The following CCNA2 variants were observed in gnomAD, a reference collection of about 807,000 sequenced individuals.
CCNA2 encodes the protein cyclin A2.
A neutral mutation model predicts 49.4 loss-of-function variants in CCNA2; 3 were observed. That is an observed-to-expected ratio of 0.06 (90% CI 0.03 to 0.16). The LOEUF (loss-of-function observed/expected upper bound fraction) is 0.16, where lower values mean the gene tolerates loss of function less well. Among genes scored for constraint, CCNA2 ranks in the 10% least tolerant of loss-of-function variants. CCNA2 has a pLI of 1.00. For synonymous variants in CCNA2, 206 were observed against 197.2 expected (o/e 1.04, Z -0.37); for missense variants, 372 against 519.7 (o/e 0.72, Z 2.76).
chr4:121,823,864 G>A lies in CCNA2; in HGVS notation c.-236C>T. On this transcript the variant is annotated 5_prime_UTR_variant, in exon 1 of 8. Coordinates refer to ENST00000274026, the MANE Select transcript of CCNA2 (RefSeq NM_001237.5). ...GCGTGGCGAGCCAAAGACGCCCAGA[G>A]ATGCAGCGAGCAGCCCGCCGGAGCG... 2 of 654,800 alleles carry A rather than the reference G, an allele frequency of 3.1e-6. No homozygotes were observed. Among genetic ancestry groups the A allele is most frequent in the East Asian group, 3.2e-5 (1 of 30,942 alleles). The allele number at this position is 654,800 out of a possible 1,614,324, so 40.6% of individuals were successfully genotyped here.
intron 1 of CCNA2, 121 bp downstream of exon 1, chr4:121,823,295 C>A: frequency 1.6e-6 from 2 of 1,262,248 alleles, no homozygotes; most frequent in East Asian, 5.1e-5. Flanking sequence ...CAACTGCACT[C>A]CAGACCCTGG....
intron 7 of CCNA2, 43 bp downstream of exon 7, chr4:121,818,001 A>G (rs763304102): frequency 5.1e-6 from 8 of 1,560,196 alleles, no homozygotes; most frequent in Non-Finnish European, 7.0e-6. Flanking sequence ...TCTCTGAACC[A>G]TAATCTAGAA....
chr4:121,821,519 A>G (rs1370390706), intron 2 of CCNA2, among the ~76,000 whole-genome samples: 1 of 152,212 alleles, frequency 6.6e-6, no homozygotes, highest in Non-Finnish European at 1.5e-5. Flanking sequence ...CAAGTAGGCA[A>G]TAGCTAGCAT....
chr4:121,822,207 G>A (rs1230257638), intron 2 of CCNA2, among the ~76,000 whole-genome samples, 196 bp downstream of exon 2: 1 of 152,130 alleles, frequency 6.6e-6, no homozygotes, highest in Admixed American at 6.6e-5. Flanking sequence ...ACTGGATAAG[G>A]ATCTTTTTGT....
At chr4:121,818,977 TCTA>T in intron 5 of CCNA2, 64 bp from the exon 6 acceptor site, 2 of 1,062,244 alleles carry the variant, frequency 1.9e-6, no homozygotes, top group South Asian at 1.3e-5. Context: ...ACCTCTGCCT[TCTA>T]ACCTAATTTT....
At chr4:121,817,740 G>C in intron 7 of CCNA2, 54 bp from the exon 8 acceptor site, 1 of 1,604,970 alleles carries the variant, frequency 6.2e-7, no homozygotes, top group Admixed American at 1.7e-5. Flanking sequence ...GGGTAAAGGA[G>C]ATCATGGAAT....
rs1724540017 is a variant in CCNA2, at chr4:121,816,932, T to C, written c.*706A>G. The stretch of plus-strand genomic sequence containing the variant: ...CCATTCTGAGAACCCTGGGTATTTT[T>C]TATTCACAAATCCATTATAAAATCT... On this transcript the variant is annotated 3_prime_UTR_variant, in exon 8 of 8. Coordinates refer to ENST00000274026, the MANE Select transcript of CCNA2 (RefSeq NM_001237.5). 1 of 1,309,386 alleles carries C rather than the reference T, an allele frequency of 7.6e-7. No homozygotes were observed. The highest frequency in any genetic ancestry group is 1.0e-6 in the Non-Finnish European group (1 of 986,282). The allele number at this position is 1,309,386 out of a possible 1,614,324, so 81.1% of individuals were successfully genotyped here.
chr4:121,819,659 A>G (rs1413088917), intron 4 of CCNA2, 80 bp from the exon 5 acceptor site: 1 of 916,528 alleles, frequency 1.1e-6, no homozygotes, highest in African/African-American at 1.7e-5. Flanking sequence ...TCCCATTAGC[A>G]GAATATGGAA....
intron 2 of CCNA2, among the ~76,000 whole-genome samples, chr4:121,821,315 C>G (rs80337507): frequency 6.8e-6 from 1 of 147,450 alleles, no homozygotes; most frequent in Admixed American, 6.7e-5. Flanking sequence ...AAAAAAAAAA[C>G]ATATTGGTAG....
chr4:121,821,723 A>C (rs1324319148), intron 2 of CCNA2, among the ~76,000 whole-genome samples: 1 of 152,224 alleles, frequency 6.6e-6, no homozygotes, highest in East Asian at 1.9e-4. Flanking sequence ...AAAAACACAC[A>C]AATTATTATT....
chr4:121,821,623 ATAAAT>A (rs935638833), intron 2 of CCNA2, among the ~76,000 whole-genome samples: 7 of 152,366 alleles, frequency 4.6e-5, no homozygotes, highest in African/African-American at 1.7e-4. Context: ...TTTTTGTAGT[ATAAAT>A]TATTTTGAAG....
At chr4:121,819,931 TTTTC>T (rs948249804) in intron 4 of CCNA2, among the ~76,000 whole-genome samples, 21 of 150,946 alleles carry the variant, frequency 1.4e-4, no homozygotes, top group Non-Finnish European at 1.6e-4. Context: ...TAAATTTAGT[TTTTC>T]TTTCTTTTTT....
Position 121,816,682 on chromosome 4 carries a change from A to C in CCNA2, c.*956T>G. 2 of 1,309,550 alleles carry C rather than the reference A, an allele frequency of 1.5e-6. No individual in the cohort carries two copies. Among genetic ancestry groups the C allele is most frequent in the Non-Finnish European group, 2.1e-6 (2 of 975,402 alleles). The allele number at this position is 1,309,550 out of a possible 1,614,324, so 81.1% of individuals were successfully genotyped here. On this transcript the variant is annotated 3_prime_UTR_variant, in exon 8 of 8. Transcript: ENST00000274026. ...CTTACTCATAGCTGACACATTTTAG[A>C]TCCTACTGGAAAACTAAGAAATGCC... is the stretch of plus-strand genomic sequence containing the variant.
At chr4:121,822,315 TACATAAG>T in intron 2 of CCNA2, 81 bp downstream of exon 2, 1 of 1,318,838 alleles carries the variant, frequency 7.6e-7, no homozygotes, top group South Asian at 1.4e-5. Flanking sequence ...TCAAAATGAC[TACATAAG>T]ACATCTTAAA....
Position 121,816,581 on chromosome 4 carries a change from G to C in CCNA2, c.*1057C>G, listed in dbSNP as rs1724522053. 2.5e-6 allele frequency: 2 copies of C among 806,570 alleles called. No individual in the cohort carries two copies. Among genetic ancestry groups the C allele is most frequent in the Admixed American group, 3.3e-5 (1 of 30,108 alleles). 50.0% of individuals were successfully genotyped at this position (806,570 alleles called of 1,614,324 possible). ...TCCCTTTTTCATTAGAGATCCATCT[G>C]TTCTGTGATTTTTTTACCTTGTGAT... On this transcript the variant is annotated 3_prime_UTR_variant, in exon 8 of 8. Transcript: ENST00000274026.
Position 121,823,792 on chromosome 4 carries a change from C to A in CCNA2, c.-164G>T. On this transcript the variant is annotated 5_prime_UTR_variant, in exon 1 of 8. Coordinates refer to ENST00000274026, the MANE Select transcript of CCNA2 (RefSeq NM_001237.5). ...CCCGCTCGCTCACCCAGCTCGAGACCACGCAGGGCCGAGGAGGTTGCGAAA... is the reference window on the plus strand; with the variant it reads ...CCCGCTCGCTCACCCAGCTCGAGACAACGCAGGGCCGAGGAGGTTGCGAAA... The A allele has an allele frequency of 7.6e-7, 1 of 1,318,272 alleles. No individual in the cohort carries two copies. Among genetic ancestry groups the A allele is most frequent in the South Asian group, 1.6e-5 (1 of 64,056 alleles). 81.7% of individuals were successfully genotyped at this position (1,318,272 alleles called of 1,614,324 possible).
At position 121,818,916 on chromosome 4, in the gene CCNA2, G is replaced by A. The variant is rs747314676; in HGVS notation, c.1003-3C>T. On this transcript the variant is annotated splice_region_variant and splice_polypyrimidine_tract_variant and intron_variant, in intron 5 of 7. Transcript: ENST00000274026. ...ATCAAACTTAATTCTCCCAAAAACT[G>A]GAATAAAAAATACTTTATGATCACA... 1 of 1,558,060 alleles carries A rather than the reference G, an allele frequency of 6.4e-7. No individual in the cohort carries two copies.
At chr4:121,819,251 T>G in intron 5 of CCNA2, 121 bp downstream of exon 5, 1 of 710,188 alleles carries the variant, frequency 1.4e-6, no homozygotes, top group East Asian at 2.7e-5. Context: ...AATCTCCCTC[T>G]GAATACTAAA....
chr4:121,816,532 C>T lies in CCNA2; in HGVS notation c.*1106G>A. ...CTCTCTGGTTTTACTCTCATCTTGC[C>T]ACATGACTATAAACAAAAAGACATC... On this transcript the variant is annotated 3_prime_UTR_variant, in exon 8 of 8. Transcript: ENST00000274026. 1 of 928,452 alleles carries T rather than the reference C, an allele frequency of 1.1e-6. No individual in the cohort carries two copies. Among genetic ancestry groups the T allele is most frequent in the Non-Finnish European group, 1.6e-6 (1 of 615,216 alleles). The allele number at this position is 928,452 out of a possible 1,614,324, so 57.5% of individuals were successfully genotyped here. A position where few individuals can be genotyped will look rare whatever the true frequency, so the allele number is the denominator to read the frequency against.
Sources: allele counts gnomAD v4.1 joint callset (sites outside exome capture counted in the v4.1 genomes callset), GRCh38; gene constraint gnomAD v4.1.1; transcripts MANE v1.5; gene names NCBI Gene and HGNC (gene_info 2026-07-23, HGNC 2026-07-21).